Variants in ITPR2 observed in about 807,000 individuals in gnomAD.
ITPR2 encodes the protein inositol 1,4,5-trisphosphate receptor type 2.
ITPR2 carries 207 observed loss-of-function variants against 317.1 expected under a neutral mutation model. The observed-to-expected ratio is 0.65, with a 90% CI of 0.58 to 0.73. The LOEUF (loss-of-function observed/expected upper bound fraction) is 0.73, where lower values mean the gene tolerates loss of function less well. Among genes scored for constraint, ITPR2 ranks in the 30% least tolerant of loss-of-function variants. The probability of loss-of-function intolerance (pLI) is 0.00; values close to 1 mark genes in which losing one functional copy is unlikely to be tolerated. For synonymous variants in ITPR2, 1,156 were observed against 1,149.1 expected, an observed-to-expected ratio of 1.01 and a Z score of -0.12; for missense variants, 2,613 against 3,284.0, an observed-to-expected ratio of 0.80 and a Z score of 4.99.
chr12:26,484,211 C>A (rs117160523), intron 41 of ITPR2, among the ~76,000 whole-genome samples: 5,673 of 149,992 alleles, frequency 0.038, 111 homozygotes, highest in Middle Eastern at 0.1. Flanking sequence ...ATAAACATTT[C>A]TCAGTGTCAT....
intron 23 of ITPR2, among the ~76,000 whole-genome samples, chr12:26,625,673 T>C (rs1200090241): frequency 6.6e-6 from 1 of 152,192 alleles, no homozygotes; most frequent in East Asian, 1.9e-4. Context: ...TGTGTATATA[T>C]AGATCATATA....
At chr12:26,356,903 G>A (rs920380505) in intron 55 of ITPR2, among the ~76,000 whole-genome samples, 3 of 151,802 alleles carry the variant, frequency 2.0e-5, no homozygotes, top group Non-Finnish European at 2.9e-5. Context: ...GTTTTTATGG[G>A]GTATCAATCT....
chr12:26,827,695 A>C (rs2137307617), intron 1 of ITPR2, among the ~76,000 whole-genome samples: 1 of 152,346 alleles, frequency 6.6e-6, no homozygotes, highest in Middle Eastern at 3.4e-3. Context: ...CATTATCTTG[A>C]AATACTGTGT....
chr12:26,374,286 T>C (rs957396050), intron 55 of ITPR2, among the ~76,000 whole-genome samples: 1 of 152,238 alleles, frequency 6.6e-6, no homozygotes, highest in Non-Finnish European at 1.5e-5. Context: ...ACTATTTAGC[T>C]ATGTAAAACC....
chr12:26,438,997 A>G, intron 47 of ITPR2, 130 bp downstream of exon 47: 1 of 624,838 alleles, frequency 1.6e-6, no homozygotes, highest in Non-Finnish European at 2.7e-6. Context: ...TAAGACTGCA[A>G]GTGATTTCAG....
chr12:26,343,086 A>T (rs781242624), intron 55 of ITPR2, among the ~76,000 whole-genome samples: 6 of 152,216 alleles, frequency 3.9e-5, no homozygotes, highest in Non-Finnish European at 7.3e-5. Flanking sequence ...GAAACCAAGC[A>T]GATGCTGGTG....
At chr12:26,595,746 C>A (rs1945826094) in intron 31 of ITPR2, among the ~76,000 whole-genome samples, 156 bp from the exon 32 acceptor site, 2 of 152,156 alleles carry the variant, frequency 1.3e-5, no homozygotes, top group South Asian at 4.1e-4. Flanking sequence ...TCTTCTTTTG[C>A]TAACAGTCCA....
At chr12:26,570,182 T>C (rs77650549) in intron 34 of ITPR2, among the ~76,000 whole-genome samples, 1,594 of 152,346 alleles carry the variant, frequency 0.01, 24 homozygotes, top group African/African-American at 0.026. Context: ...TTGTTATTTC[T>C]GTACATGTTA....
At chr12:26,445,826 G>A (rs2136746094) in intron 45 of ITPR2, among the ~76,000 whole-genome samples, 1 of 152,218 alleles carries the variant, frequency 6.6e-6, no homozygotes, top group East Asian at 1.9e-4. Flanking sequence ...AGAAATAGAT[G>A]GCAGCTAGAC....
intron 50 of ITPR2, among the ~76,000 whole-genome samples, chr12:26,416,623 A>G (rs1166559233): frequency 2.0e-5 from 3 of 152,154 alleles, no homozygotes; most frequent in South Asian, 2.1e-4. Context: ...TTGCTCACCT[A>G]TGGAAACTGC....
chr12:26,701,045 A>T (rs901264119), intron 9 of ITPR2, among the ~76,000 whole-genome samples: 1 of 152,236 alleles, frequency 6.6e-6, no homozygotes, highest in Non-Finnish European at 1.5e-5. Flanking sequence ...GGCAGTGAGT[A>T]ACAGAGAGAG....
In ITPR2 at chr12:26,595,321, T is replaced by C. The variant is rs1392241239; in HGVS notation, c.4380+144A>G. The C allele has an allele frequency of 4.0e-6, 3 of 746,044 alleles. No individual in the cohort carries two copies. The African/African-American group carries it at 5.4e-5, about 14-fold the overall frequency. The allele number at this position is 746,044 out of a possible 1,614,324, so 46.2% of individuals were successfully genotyped here. ...TTAACTCATTAAATCTCACTCACAA[T>C]CTTCTGAAATTTATTCACAACTTTA... On this transcript the variant is annotated intron_variant, in intron 32 of 56. Coordinates refer to ENST00000381340, the MANE Select transcript of ITPR2 (RefSeq NM_002223.4).
rs112781923 is a variant in ITPR2 at position 26,824,388 on chromosome 12, A to G, written c.92+8302T>C. ...TACATTTACTACATGAGTTAAATCA[A>G]CCAACTTAATTGCTCAGCATTACTG... On this transcript the variant is annotated intron_variant, in intron 1 of 56. Transcript: ENST00000381340. 2.0e-5 allele frequency among the ~76,000 whole-genome samples: 3 copies of G among 152,290 alleles called. 1 individual carries two copies. The highest frequency in any genetic ancestry group is 7.2e-5 in the African/African-American group (3 of 41,570).
At chr12:26,379,791 A>C (rs1458043584) in intron 55 of ITPR2, among the ~76,000 whole-genome samples, 1 of 152,202 alleles carries the variant, frequency 6.6e-6, no homozygotes, top group Non-Finnish European at 1.5e-5. Flanking sequence ...GGGTACATTG[A>C]AGTACAGAGG....
chr12:26,724,739 C>A lies in ITPR2; in HGVS notation c.283G>T (p.Ala95Ser). Residue 95 changes from alanine (A) to serine (S), a missense_variant, in exon 4 of 57, where the codon GCT becomes TCT. By Grantham distance (99) the Ala-to-Ser change is moderately conservative. Coordinates refer to ENST00000381340, the MANE Select transcript of ITPR2 (RefSeq NM_002223.4). Reference protein sequence around the residue: ...EAALLKKLQHAAELEQKQNES... With the variant: ...EAALLKKLQHSAELEQKQNES... The stretch of plus-strand genomic sequence containing the variant: ...TTTTGTTTTTGTTCCAGTTCTGCAG[C>A]GTGCTATAAGATGATTATCAAATAT... The A allele has an allele frequency of 6.2e-7, 1 of 1,600,968 alleles. No homozygotes were observed. The highest frequency in any genetic ancestry group is 8.5e-7 in the Non-Finnish European group (1 of 1,170,540).
intron 1 of ITPR2, among the ~76,000 whole-genome samples, chr12:26,794,346 T>C (rs959411509): frequency 2.0e-5 from 3 of 152,208 alleles, no homozygotes; most frequent in Admixed American, 6.5e-5. Context: ...AGTATACTAT[T>C]AATTATTTTC....
chr12:26,828,348 G>C (rs144157737), intron 1 of ITPR2, among the ~76,000 whole-genome samples: 1 of 152,164 alleles, frequency 6.6e-6, no homozygotes. Context: ...ATTGTACTCC[G>C]AGGTAAAAAA....
intron 45 of ITPR2, among the ~76,000 whole-genome samples, chr12:26,449,802 G>A (rs1394964330): frequency 1.3e-5 from 2 of 152,164 alleles, no homozygotes; most frequent in African/African-American, 4.8e-5. Flanking sequence ...ATGCCAGTGT[G>A]AGGAGTTCAA....
At chr12:26,804,592 T>C (rs1341502264) in intron 1 of ITPR2, among the ~76,000 whole-genome samples, 1 of 152,132 alleles carries the variant, frequency 6.6e-6, no homozygotes, top group Non-Finnish European at 1.5e-5. Context: ...TGCATTAAAT[T>C]AAATCATTTC....
Sources: gnomAD v4.1 joint callset for allele counts (sites outside exome capture counted in the v4.1 genomes callset) on GRCh38, gnomAD v4.1.1 for gene constraint, MANE v1.5 for transcripts, NCBI Gene and HGNC (gene_info 2026-07-23, HGNC 2026-07-21) for gene names.